RPS6KC1: variants seen among roughly 807,000 people sequenced by gnomAD.
The protein encoded by RPS6KC1 is inactive ribosomal protein S6 kinase delta-1.
RPS6KC1 carries 54 observed loss-of-function variants against 103.8 expected under a neutral mutation model. That is an observed-to-expected ratio of 0.52 (90% CI 0.42 to 0.65). The LOEUF is 0.65. Among genes scored for constraint, RPS6KC1 ranks in the 30% least tolerant of loss-of-function variants. The pLI is 0.00. For missense variants in RPS6KC1, 1,151 were observed against 1,253.8 expected (o/e 0.92, Z 1.24); for synonymous variants, 439 against 438.7 (o/e 1.00, Z -0.01).
the RPS6KC1 span, among the ~76,000 whole-genome samples, chr1:213,445,064 A>G: frequency 6.6e-6 from 1 of 152,078 alleles, no homozygotes; most frequent in Non-Finnish European, 1.5e-5. Context: ...CTTTGACTCT[A>G]TATGTTTGCC....
At chr1:213,292,418 C>T in the RPS6KC1 span, among the ~76,000 whole-genome samples, 3 of 152,092 alleles carry the variant, frequency 2.0e-5, no homozygotes, top group African/African-American at 7.2e-5. Context: ...ATTGTTTAAT[C>T]GTATGTGAAT....
chr1:213,350,929 A>G, the RPS6KC1 span, among the ~76,000 whole-genome samples: 1 of 152,278 alleles, frequency 6.6e-6, no homozygotes, highest in East Asian at 1.9e-4. Flanking sequence ...CATGTTTTAT[A>G]TATGATTGGG....
the RPS6KC1 span, among the ~76,000 whole-genome samples, chr1:213,444,030 A>T: frequency 6.6e-6 from 1 of 152,208 alleles, no homozygotes; most frequent in African/African-American, 2.4e-5. Flanking sequence ...GTCCAAGATC[A>T]AGGAGCCAGC....
At chr1:213,630,665 G>C in the RPS6KC1 span, among the ~76,000 whole-genome samples, 1 of 152,202 alleles carries the variant, frequency 6.6e-6, no homozygotes, top group African/African-American at 2.4e-5. Flanking sequence ...CTGATTTTTA[G>C]AGTTTTGTTT....
chr1:213,793,701 C>T, the RPS6KC1 span, among the ~76,000 whole-genome samples: 1 of 152,160 alleles, frequency 6.6e-6, no homozygotes, highest in Non-Finnish European at 1.5e-5. Context: ...TTTTGACATT[C>T]CTGCAGGCTC....
At chr1:213,856,137 C>T in the RPS6KC1 span, among the ~76,000 whole-genome samples, 1 of 152,138 alleles carries the variant, frequency 6.6e-6, no homozygotes, top group African/African-American at 2.4e-5. Context: ...TAAACACTGT[C>T]GTCAGTCTTT....
At chr1:213,776,628 A>G in the RPS6KC1 span, among the ~76,000 whole-genome samples, 2 of 152,228 alleles carry the variant, frequency 1.3e-5, no homozygotes, top group Non-Finnish European at 2.9e-5. Context: ...TAAGGGCCCT[A>G]GAATTTTTAG....
intron 2 of RPS6KC1, among the ~76,000 whole-genome samples, chr1:213,073,751 C>T (rs2079071284): frequency 6.6e-6 from 1 of 152,162 alleles, no homozygotes; most frequent in Admixed American, 6.5e-5. Flanking sequence ...TCTTGGCTCA[C>T]TGCAACCTCG....
rs75462840 is a variant in RPS6KC1, at chr1:213,207,449, G to T, written c.1045-23048G>T. Among the ~76,000 whole-genome samples, 32 of 152,282 alleles carry T rather than the reference G, an allele frequency of 2.1e-4. No homozygotes were observed. In the East Asian group the frequency reaches 3.9e-3, roughly 18 times the overall value. ...TCTTTCTGAGGGCTGCTACCTGAGA[G>T]ATTTCATTTGTAATACAAAATAGCT... On this transcript the variant is annotated intron_variant, in intron 8 of 14. Transcript: ENST00000366960.
At chr1:213,433,671 G>C in the RPS6KC1 span, among the ~76,000 whole-genome samples, 1 of 152,188 alleles carries the variant, frequency 6.6e-6, no homozygotes, top group Non-Finnish European at 1.5e-5. Context: ...AGCGATTATA[G>C]TTGGTGTATA....
chr1:213,607,191 A>G, the RPS6KC1 span, among the ~76,000 whole-genome samples: 6 of 152,364 alleles, frequency 3.9e-5, no homozygotes, highest in South Asian at 1.0e-3. Flanking sequence ...AGAAACAAGC[A>G]TCATATTAGG....
chr1:213,619,563 C>A, the RPS6KC1 span, among the ~76,000 whole-genome samples: 1 of 152,196 alleles, frequency 6.6e-6, no homozygotes, highest in South Asian at 2.1e-4. Flanking sequence ...GAGTCTGCAA[C>A]AGCATCTCAC....
At chr1:213,553,953 A>G in the RPS6KC1 span, among the ~76,000 whole-genome samples, 2 of 151,992 alleles carry the variant, frequency 1.3e-5, no homozygotes, top group African/African-American at 4.8e-5. Context: ...ATAGTTTGCA[A>G]ATATTTTCTT....
At chr1:213,744,313 T>TA in the RPS6KC1 span, among the ~76,000 whole-genome samples, 5 of 151,474 alleles carry the variant, frequency 3.3e-5, no homozygotes, top group Non-Finnish European at 7.4e-5. Flanking sequence ...ATAAAAAAAA[T>TA]AAAAAAAACC....
rs112210291 is a variant in RPS6KC1 at position 213,264,637 on chromosome 1, T to A, written c.3090+1821T>A. 8.7e-3 allele frequency among the ~76,000 whole-genome samples: 1,331 copies of A among 152,296 alleles called. 21 individuals are homozygous for A. The highest frequency in any genetic ancestry group is 0.03 in the African/African-American group (1,241 of 41,564). ...ATATAGTAAATCAGCATTGTGTCAT[T>A]GGCCTGCCTAAGGAAACTACCACTC... On this transcript the variant is annotated intron_variant, in intron 14 of 14. Transcript: ENST00000366960.
At chr1:213,412,928 A>G in the RPS6KC1 span, among the ~76,000 whole-genome samples, 1 of 152,240 alleles carries the variant, frequency 6.6e-6, no homozygotes. Context: ...TCTTAAATTC[A>G]GCAGGCTTTG....
chr1:213,738,959 A>C, the RPS6KC1 span, among the ~76,000 whole-genome samples: 2 of 151,940 alleles, frequency 1.3e-5, no homozygotes, highest in African/African-American at 2.4e-5. Flanking sequence ...GAATTTAGAG[A>C]ACATAGAAGA....
chr1:213,734,131 T>C, the RPS6KC1 span, among the ~76,000 whole-genome samples: 1 of 152,228 alleles, frequency 6.6e-6, no homozygotes, highest in Non-Finnish European at 1.5e-5. Context: ...ACTAGCTATG[T>C]GCACCATTTT....
At chr1:213,658,764 G>A in the RPS6KC1 span, among the ~76,000 whole-genome samples, 1 of 152,304 alleles carries the variant, frequency 6.6e-6, no homozygotes, top group African/African-American at 2.4e-5. Context: ...GGTGAGTAGT[G>A]TTTGACCAAG....
Sources: allele counts gnomAD v4.1 joint callset (sites outside exome capture counted in the v4.1 genomes callset), GRCh38; gene constraint gnomAD v4.1.1; transcripts MANE v1.5; gene names NCBI Gene and HGNC (gene_info 2026-07-23, HGNC 2026-07-21).